The following NKX1-1 variants were observed in gnomAD, a reference collection of about 807,000 sequenced individuals.
NKX1-1 encodes the protein NK1 transcription factor-related protein 1.
In NKX1-1, 7 loss-of-function variants were observed where a neutral mutation model predicts 1.7. That is an observed-to-expected ratio of 4.22 (90% CI 2.40 to 7.92). The LOEUF (loss-of-function observed/expected upper bound fraction) is 7.92. Among genes scored for constraint, NKX1-1 ranks in the 30% most tolerant of loss-of-function variants. The pLI is 0.00. For synonymous variants in NKX1-1, 242 were observed against 85.3 expected, an observed-to-expected ratio of 2.84 and a Z score of -10.13; for missense variants, 453 against 171.5, an observed-to-expected ratio of 2.64 and a Z score of -9.17.
In NKX1-1 at chr4:1,403,031, G is replaced by A; in HGVS notation, c.1248C>T (p.Ala416=). 1 of 610,438 alleles carries A rather than the reference G, an allele frequency of 1.6e-6. No individual in the cohort carries two copies. Among genetic ancestry groups the A allele is most frequent in the Middle Eastern group, 4.1e-4 (1 of 2,442 alleles). The allele number at this position is 610,438 out of a possible 1,614,324, so 37.8% of individuals were successfully genotyped here. A position where few individuals can be genotyped will look rare whatever the true frequency, so the allele number is the denominator to read the frequency against. Reference sequence around the variant, plus strand: ...GGCTCGACAGGAACGGCAGCTGCGCGGCGCACACCAGGCCTCCGGGGCCGT... The same window carrying A: ...GGCTCGACAGGAACGGCAGCTGCGCAGCGCACACCAGGCCTCCGGGGCCGT... The part of the protein sequence containing the change: ...PAHGPGGLVC[A]AQLPFLSSPA... The change falls in exon 2 of 2, where the codon GCC becomes GCT. Residue 416 remains alanine (A), a synonymous_variant. Coordinates refer to ENST00000422806, the MANE Select transcript of NKX1-1 (RefSeq NM_001290079.1).
chr4:1,405,348 G>T (rs1720731346), intron 1 of NKX1-1, among the ~76,000 whole-genome samples: 1 of 152,228 alleles, frequency 6.6e-6, no homozygotes, highest in Non-Finnish European at 1.5e-5. Flanking sequence ...GTAATTATCC[G>T]AATTTTGACC....
intron 1 of NKX1-1, 33 bp from the exon 2 acceptor site, chr4:1,403,848 C>T (rs1720702335): frequency 1.2e-5 from 7 of 603,104 alleles, no homozygotes; most frequent in Admixed American, 2.9e-5. Context: ...CAGGGCAGGG[C>T]AGTTAGGACC....
intron 1 of NKX1-1, among the ~76,000 whole-genome samples, chr4:1,405,173 G>A (rs775726487): frequency 1.3e-5 from 2 of 152,166 alleles, no homozygotes; most frequent in African/African-American, 2.4e-5. Flanking sequence ...GCGCAGAGCC[G>A]GTGGCCGCGG....
At chr4:1,404,857 G>A (rs1401088648) in intron 1 of NKX1-1, among the ~76,000 whole-genome samples, 3 of 152,184 alleles carry the variant, frequency 2.0e-5, no homozygotes, top group African/African-American at 7.2e-5. Context: ...TGGCATGGAG[G>A]CCAGCAGGTG....
rs1305673854 is a variant in NKX1-1 at position 1,403,463 on chromosome 4, G to A, written c.816C>T (p.Thr272=). The part of the protein sequence containing the change: ...GAAAPGGAGT[T]PQGTATAAKP... Reference sequence around the variant, plus strand: ...TCGCCGCCGTCGCCGTGCCCTGCGGGGTGGTCCCCGCGCCCCCCGGCGCCG... The same window carrying A: ...TCGCCGCCGTCGCCGTGCCCTGCGGAGTGGTCCCCGCGCCCCCCGGCGCCG... The change falls in exon 2 of 2, where the codon ACC becomes ACT. Residue 272 remains threonine (T), a synonymous_variant. Transcript: ENST00000422806. 2 of 605,230 alleles carry A rather than the reference G, an allele frequency of 3.3e-6. No individual in the cohort carries two copies. The highest frequency in any genetic ancestry group is 2.0e-5 in the African/African-American group (1 of 51,164). 37.5% of individuals were successfully genotyped at this position (605,230 alleles called of 1,614,324 possible).
rs749542811 is a variant in NKX1-1 at position 1,403,201 on chromosome 4, T to C, written c.1078A>G (p.Thr360Ala). 1 of 693,806 alleles carries C rather than the reference T, an allele frequency of 1.4e-6. No individual in the cohort carries two copies. The allele number at this position is 693,806 out of a possible 1,614,324, so 43.0% of individuals were successfully genotyped here. The change falls in exon 2 of 2, where the codon ACC becomes GCC. Residue 360 changes from threonine to alanine, a missense_variant. Coordinates refer to ENST00000422806, the MANE Select transcript of NKX1-1 (RefSeq NM_001290079.1). Reference protein sequence around the residue: ...KWKKQNPGADTSAPTGGGGGP... With the variant: ...KWKKQNPGADASAPTGGGGGP... ...CCCCCGCCGCCGGTCGGAGCGCTGG[T>C]GTCGGCGCCCGGGTTCTGCTTCTTC...
chr4:1,403,313 C>A lies in NKX1-1; in HGVS notation c.966G>T (p.Ser322=). 1.4e-6 allele frequency: 1 copy of A among 710,694 alleles called. No homozygotes were observed. The highest frequency in any genetic ancestry group is 2.6e-6 in the Non-Finnish European group (1 of 391,670). 44.0% of individuals were successfully genotyped at this position (710,694 alleles called of 1,614,324 possible). A position where few individuals can be genotyped will look rare whatever the true frequency, so the allele number is the denominator to read the frequency against. The change falls in exon 2 of 2, where the codon TCG becomes TCT. Residue 322 remains serine, a synonymous_variant. Transcript: ENST00000422806. ...GCGCCAGGTTGAGGCGCTCGCACAC[C>A]GACAGGTAGCGCGTGGCCTTGAACT... ...ENKFKATRYL[S]VCERLNLALS...
Position 1,403,266 on chromosome 4 carries a change from G to A in NKX1-1, c.1013C>T (p.Thr338Met). The change falls in exon 2 of 2, where the codon ACG becomes ATG. Residue 338 changes from threonine to methionine, a missense_variant. Thr to Met is a moderately conservative substitution (Grantham distance 81). Transcript: ENST00000422806. Reference sequence around the variant, plus strand: ...GTTCTGGAACCAGATCTTCACCTGCGTCTCGGTGAGGCTGAGCGACAGCGC... The same window carrying A: ...GTTCTGGAACCAGATCTTCACCTGCATCTCGGTGAGGCTGAGCGACAGCGC... Reference protein sequence around the residue: ...NLALSLSLTETQVKIWFQNRR... With the variant: ...NLALSLSLTEMQVKIWFQNRR... 1.4e-6 allele frequency: 1 copy of A among 735,562 alleles called. No individual in the cohort carries two copies. Among genetic ancestry groups the A allele is most frequent in the Non-Finnish European group, 2.5e-6 (1 of 397,212 alleles). The allele number at this position is 735,562 out of a possible 1,614,324, so 45.6% of individuals were successfully genotyped here.
Position 1,403,693 on chromosome 4 carries a change from C to A in NKX1-1, c.586G>T (p.Asp196Tyr). 1 of 685,466 alleles carries A rather than the reference C, an allele frequency of 1.5e-6. No individual in the cohort carries two copies. The highest frequency in any genetic ancestry group is 2.6e-6 in the Non-Finnish European group (1 of 381,392). The allele number at this position is 685,466 out of a possible 1,614,324, so 42.5% of individuals were successfully genotyped here. The change falls in exon 2 of 2, where the codon GAC becomes TAC. Residue 196 changes from aspartate to tyrosine, a missense_variant. Asp to Tyr is a radical substitution (Grantham distance 160, BLOSUM62 -3). Transcript: ENST00000422806. ...GTCTCGGGCGCTTCGTCCTCGTCGT[C>A]GTCCTCGTCGTCGGGAACCTCGTCC... ...SGDEVPDDED[D>Y]DEDEAPETEA...
At position 1,402,967 on chromosome 4, in the gene NKX1-1, A is replaced by G; in HGVS notation, c.1312T>C (p.Tyr438His). Residue 438 changes from tyrosine to histidine, a missense_variant, in exon 2 of 2, where the codon TAC becomes CAC. By Grantham distance (83) the Tyr-to-His change is moderately conservative. Transcript: ENST00000422806. ...LSPFVLGSQT[Y>H]GAPAFYAPHL The stretch of plus-strand genomic sequence containing the variant: ...GGCGCGTAGAAGGCGGGCGCCCCGT[A>G]GGTCTGCGAGCCCAGCACGAAGGGC... 2 of 665,194 alleles carry G rather than the reference A, an allele frequency of 3.0e-6. No individual in the cohort carries two copies. Among genetic ancestry groups the G allele is most frequent in the Non-Finnish European group, 5.4e-6 (2 of 369,576 alleles). The allele number at this position is 665,194 out of a possible 1,614,324, so 41.2% of individuals were successfully genotyped here. A position where few individuals can be genotyped will look rare whatever the true frequency, so the allele number is the denominator to read the frequency against.
Position 1,403,050 on chromosome 4 carries a change from G to A in NKX1-1, c.1229C>T (p.Pro410Leu), listed in dbSNP as rs1209837738. The change falls in exon 2 of 2, where the codon CCC becomes CTC. Residue 410 changes from proline to leucine, a missense_variant. Pro to Leu is a moderately conservative substitution (Grantham distance 98). Coordinates refer to ENST00000422806, the MANE Select transcript of NKX1-1 (RefSeq NM_001290079.1). ...CTGCGCGGCGCACACCAGGCCTCCGGGGCCGTGCGCCGGGTACCCGGCCGG... is the reference window on the plus strand; with the variant it reads ...CTGCGCGGCGCACACCAGGCCTCCGAGGCCGTGCGCCGGGTACCCGGCCGG... ...HGPAGYPAHG[P>L]GGLVCAAQLP... is the part of the protein sequence containing the mutation. The A allele has an allele frequency of 3.7e-6, 2 of 535,370 alleles. No homozygotes were observed. Among genetic ancestry groups the A allele is most frequent in the South Asian group, 2.3e-5 (1 of 42,786 alleles). 33.2% of individuals were successfully genotyped at this position (535,370 alleles called of 1,614,324 possible). A position where few individuals can be genotyped will look rare whatever the true frequency, so the allele number is the denominator to read the frequency against.
In NKX1-1 at chr4:1,403,367, G is replaced by C; in HGVS notation, c.912C>G (p.Thr304=). Residue 304 remains threonine, a synonymous_variant, in exon 2 of 2, where the codon ACC becomes ACG. Transcript: ENST00000422806. ...TCTCCAGCGCCACGAGCTGCTCGTA[G>C]GTGAAGGCGGTGCGCGCTCGCCGCG... The part of the protein sequence containing the change: ...GKPRRARTAF[T]YEQLVALENK... 2 of 716,834 alleles carry C rather than the reference G, an allele frequency of 2.8e-6. No individual in the cohort carries two copies. Among genetic ancestry groups the C allele is most frequent in the African/African-American group, 1.8e-5 (1 of 54,056 alleles). 44.4% of individuals were successfully genotyped at this position (716,834 alleles called of 1,614,324 possible).
In NKX1-1 at chr4:1,406,021, G is replaced by C. The variant is rs1331374922; in HGVS notation, c.422C>G (p.Ala141Gly). The C allele has an allele frequency of 2.1e-6, 1 of 477,152 alleles. No homozygotes were observed. The highest frequency in any genetic ancestry group is 3.5e-5 in the East Asian group (1 of 28,710). 29.6% of individuals were successfully genotyped at this position (477,152 alleles called of 1,614,324 possible). A position where few individuals can be genotyped will look rare whatever the true frequency, so the allele number is the denominator to read the frequency against. Reference sequence around the variant, plus strand: ...GGCGGCTCCGACTCCCCCGGCGCCGGCGAGGGCGCGGCGCTCCAGCTCCTC... The same window carrying C: ...GGCGGCTCCGACTCCCCCGGCGCCGCCGAGGGCGCGGCGCTCCAGCTCCTC... Reference protein sequence around the residue: ...RAEELERRALAGAGGVGAAGA... With the variant: ...RAEELERRALGGAGGVGAAGA... The change falls in exon 1 of 2, where the codon GCC (alanine) becomes GGC (glycine). Residue 141 changes from alanine (A) to glycine (G), a missense_variant. Coordinates refer to ENST00000422806, the MANE Select transcript of NKX1-1 (RefSeq NM_001290079.1).
intron 1 of NKX1-1, 52 bp from the exon 2 acceptor site, chr4:1,403,867 C>T: frequency 1.8e-6 from 1 of 562,392 alleles, no homozygotes; most frequent in South Asian, 2.0e-5. Flanking sequence ...CCGGCCGGTT[C>T]CCAGATCCCG....
In NKX1-1 at chr4:1,403,158, G is replaced by GC; in HGVS notation, c.1120dup (p.Ala374GlyfsTer?). 1 of 577,364 alleles carries GC rather than the reference G, an allele frequency of 1.7e-6. No individual in the cohort carries two copies. The highest frequency in any genetic ancestry group is 3.1e-6 in the Non-Finnish European group (1 of 320,714). The allele number at this position is 577,364 out of a possible 1,614,324, so 35.8% of individuals were successfully genotyped here. ...GCCGGGCAGCCCCGTGCCAGGCCCG[G>GC]CCCCCGGTCCCGGTCCGCCCCCGCC... On this transcript the variant is annotated frameshift_variant, in exon 2 of 2. Transcript: ENST00000422806. LOFTEE classifies it low-confidence loss of function (END_TRUNC).
In NKX1-1 at chr4:1,406,151, G is replaced by T; in HGVS notation, c.292C>A (p.Arg98Ser). ...ACTGGGCCCAGCAGCACGCAACGAC[G>T]CCTCCTGCTGTTGAACTTGTTGGGG... is the stretch of plus-strand genomic sequence containing the variant. Reference protein sequence around the residue: ...LDPNKFNSRRRRCVLLGPVAP... With the variant: ...LDPNKFNSRRSRCVLLGPVAP... The change falls in exon 1 of 2, where the codon CGT (arginine) becomes AGT (serine). Residue 98 changes from arginine (R) to serine (S), a missense_variant. Arg to Ser is a moderately radical substitution (Grantham distance 110). Coordinates refer to ENST00000422806, the MANE Select transcript of NKX1-1 (RefSeq NM_001290079.1). 2 of 619,630 alleles carry T rather than the reference G, an allele frequency of 3.2e-6. No individual in the cohort carries two copies. The highest frequency in any genetic ancestry group is 2.6e-5 in the Admixed American group (1 of 37,820). 38.4% of individuals were successfully genotyped at this position (619,630 alleles called of 1,614,324 possible). A position where few individuals can be genotyped will look rare whatever the true frequency, so the allele number is the denominator to read the frequency against.
intron 1 of NKX1-1, among the ~76,000 whole-genome samples, chr4:1,404,288 G>A (rs539076443): frequency 6.6e-6 from 1 of 152,388 alleles, no homozygotes; most frequent in East Asian, 1.9e-4. Context: ...AATTACCGCC[G>A]GCGCAGGGCC....
chr4:1,403,401 G>A lies in NKX1-1; in HGVS notation c.878C>T (p.Ser293Phe). ...GGTGCGCGCTCGCCGCGGCTTCCCG[G>A]ACTTGGAGTCGGACCCCGTGCGCTT... ...KRKRTGSDSK[S>F]GKPRRARTAF... is the part of the protein sequence containing the mutation. The change falls in exon 2 of 2, where the codon TCC becomes TTC. Residue 293 changes from serine to phenylalanine, a missense_variant. Physicochemically the swap from Ser to Phe is radical, Grantham distance 155. Coordinates refer to ENST00000422806, the MANE Select transcript of NKX1-1 (RefSeq NM_001290079.1). 1 of 673,256 alleles carries A rather than the reference G, an allele frequency of 1.5e-6. No individual in the cohort carries two copies. 41.7% of individuals were successfully genotyped at this position (673,256 alleles called of 1,614,324 possible). A position where few individuals can be genotyped will look rare whatever the true frequency, so the allele number is the denominator to read the frequency against.
Position 1,406,203 on chromosome 4 carries a change from G to C in NKX1-1, c.240C>G (p.Thr80=). 1.7e-6 allele frequency: 1 copy of C among 582,754 alleles called. No homozygotes were observed. The allele number at this position is 582,754 out of a possible 1,614,324, so 36.1% of individuals were successfully genotyped here. ...CCAGGATGTCCAGTACCGAGAAGGA[G>C]GTGGGGCGCAGGGGCGCTGCGGGCC... The part of the protein sequence containing the change: ...AARPAAPLRP[T]SFSVLDILDP... The change falls in exon 1 of 2, where the codon ACC becomes ACG. Residue 80 remains threonine (T), a synonymous_variant. Coordinates refer to ENST00000422806, the MANE Select transcript of NKX1-1 (RefSeq NM_001290079.1).
Sources: allele counts gnomAD v4.1 joint callset (sites outside exome capture counted in the v4.1 genomes callset), GRCh38; gene constraint gnomAD v4.1.1; transcripts MANE v1.5; gene names NCBI Gene and HGNC (gene_info 2026-07-23, HGNC 2026-07-21).